Variants in WDFY2 observed in about 807,000 individuals in gnomAD.
WDFY2 encodes WD repeat and FYVE domain containing 2, also known as WD repeat and FYVE domain-containing protein 2.
Under a neutral mutation model 56.4 loss-of-function variants are expected in WDFY2, and 36 were observed. That is an observed-to-expected ratio of 0.64 (90% CI 0.49 to 0.84). The LOEUF (loss-of-function observed/expected upper bound fraction) is 0.84. Among genes scored for constraint, WDFY2 ranks in the 40% least tolerant of loss-of-function variants. The pLI is 0.00. For synonymous variants in WDFY2, 176 were observed against 183.7 expected (o/e 0.96, Z 0.34); for missense variants, 444 against 512.2 (o/e 0.87, Z 1.29).
intron 1 of WDFY2, among the ~76,000 whole-genome samples, chr13:51,619,328 G>T (rs1258245324): frequency 6.6e-6 from 1 of 151,956 alleles, no homozygotes; most frequent in East Asian, 1.9e-4. Context: ...GCTGGGCATG[G>T]TGGTGCACGC....
intron 1 of WDFY2, among the ~76,000 whole-genome samples, chr13:51,637,155 A>G (rs528895482): frequency 7.5e-4 from 114 of 152,340 alleles, no homozygotes; most frequent in African/African-American, 2.5e-3. Context: ...TTGCCTAAGC[A>G]GGAGGCCAGC....
intron 1 of WDFY2, among the ~76,000 whole-genome samples, chr13:51,595,151 T>A (rs530488845): frequency 6.6e-6 from 1 of 152,284 alleles, no homozygotes; most frequent in Non-Finnish European, 1.5e-5. Flanking sequence ...CAGGCTTCTA[T>A]CTCTCTCTTC....
chr13:51,633,833 T>A (rs1156588647), intron 1 of WDFY2, among the ~76,000 whole-genome samples: 2 of 152,212 alleles, frequency 1.3e-5, no homozygotes, highest in East Asian at 3.8e-4. Flanking sequence ...CTATGATTTT[T>A]AATAAATTTT....
chr13:51,747,405 A>T (rs1953128344), intron 7 of WDFY2, among the ~76,000 whole-genome samples: 1 of 152,178 alleles, frequency 6.6e-6, no homozygotes. Flanking sequence ...AATACTAATA[A>T]AATGTTTTAC....
At chr13:51,725,508 T>G (rs1342059301) in intron 5 of WDFY2, among the ~76,000 whole-genome samples, 1 of 151,946 alleles carries the variant, frequency 6.6e-6, no homozygotes, top group African/African-American at 2.4e-5. Flanking sequence ...GGCAACAAAG[T>G]GAGACATTGA....
chr13:51,623,202 T>G (rs1386447180), intron 1 of WDFY2, among the ~76,000 whole-genome samples: 2 of 150,952 alleles, frequency 1.3e-5, no homozygotes, highest in East Asian at 3.9e-4. Flanking sequence ...TTACTTGTTT[T>G]TTTTAAAGCG....
intron 5 of WDFY2, among the ~76,000 whole-genome samples, chr13:51,725,478 A>G (rs1478924914): frequency 6.6e-6 from 1 of 152,090 alleles, no homozygotes; most frequent in Non-Finnish European, 1.5e-5. Flanking sequence ...ACTTGAGCCT[A>G]GGAGTTTGAG....
chr13:51,703,554 A>G (rs1198811263), intron 3 of WDFY2, 42 bp from the exon 4 acceptor site: 3 of 1,442,192 alleles, frequency 2.1e-6, no homozygotes. Context: ...TCATTCACTT[A>G]AAGAATTTAT....
At chr13:51,743,461 G>A (rs1443618768) in intron 7 of WDFY2, among the ~76,000 whole-genome samples, 2 of 152,196 alleles carry the variant, frequency 1.3e-5, no homozygotes, top group African/African-American at 4.8e-5. Context: ...ATGATGTAAT[G>A]CATATAAAAT....
chr13:51,709,292 G>C (rs1952157196), intron 4 of WDFY2, among the ~76,000 whole-genome samples: 1 of 152,092 alleles, frequency 6.6e-6, no homozygotes, highest in Non-Finnish European at 1.5e-5. Context: ...CAGTAAATTT[G>C]GAAGGATTTA....
At chr13:51,599,838 C>T (rs549224359) in intron 1 of WDFY2, among the ~76,000 whole-genome samples, 8 of 151,896 alleles carry the variant, frequency 5.3e-5, no homozygotes, top group South Asian at 2.1e-4. Context: ...TACTATTCAA[C>T]TTTTGTCATG....
At chr13:51,720,349 T>A (rs1270502809) in intron 5 of WDFY2, among the ~76,000 whole-genome samples, 4 of 152,154 alleles carry the variant, frequency 2.6e-5, no homozygotes, top group Non-Finnish European at 4.4e-5. Flanking sequence ...ATGACCATTG[T>A]GGAAAGTTGT....
intron 1 of WDFY2, among the ~76,000 whole-genome samples, chr13:51,650,797 G>A (rs1245212824): frequency 6.6e-6 from 1 of 152,230 alleles, no homozygotes; most frequent in Admixed American, 6.5e-5. Flanking sequence ...TTTTTGATGT[G>A]TTGCTGGATT....
At chr13:51,693,831 G>C (rs2138554703) in intron 3 of WDFY2, among the ~76,000 whole-genome samples, 1 of 152,210 alleles carries the variant, frequency 6.6e-6, no homozygotes. Flanking sequence ...TCTCTTTATA[G>C]GTCACTCAGG....
rs892857536 is a variant in WDFY2 at position 51,703,731 on chromosome 13, A to G, written c.334+81A>G. Reference sequence around the variant, plus strand: ...TTTTCACTGCCACAAGAGAATACATACTTTACAATCATCAGGGAAACAAAA... The same window carrying G: ...TTTTCACTGCCACAAGAGAATACATGCTTTACAATCATCAGGGAAACAAAA... On this transcript the variant is annotated intron_variant, in intron 4 of 11. Transcript: ENST00000298125. 6.0e-6 allele frequency: 7 copies of G among 1,172,890 alleles called. No homozygotes were observed. The African/African-American group carries it at 1.1e-4, about 18-fold the overall frequency. 72.7% of individuals were successfully genotyped at this position (1,172,890 alleles called of 1,614,324 possible). A position where few individuals can be genotyped will look rare whatever the true frequency, so the allele number is the denominator to read the frequency against.
Position 51,759,657 on chromosome 13 carries a change from A to G in WDFY2, c.1174-83A>G, listed in dbSNP as rs1252244736. On this transcript the variant is annotated intron_variant, in intron 11 of 11. Coordinates refer to ENST00000298125, the MANE Select transcript of WDFY2 (RefSeq NM_052950.4). ...TGTGGTGGTTTGTTAAATGAAAAAA[A>G]TTTCCTTGAAGAATTCAGTTCTAAG... 2.2e-6 allele frequency: 3 copies of G among 1,385,646 alleles called. No individual in the cohort carries two copies. The Admixed American group carries it at 5.5e-5, about 26-fold the overall frequency. The allele number at this position is 1,385,646 out of a possible 1,614,324, so 85.8% of individuals were successfully genotyped here.
intron 3 of WDFY2, among the ~76,000 whole-genome samples, chr13:51,689,690 A>T (rs1230319038): frequency 6.6e-6 from 1 of 152,166 alleles, no homozygotes; most frequent in Non-Finnish European, 1.5e-5. Flanking sequence ...GAGAGGAAAA[A>T]GGCACGTACC....
intron 1 of WDFY2, among the ~76,000 whole-genome samples, chr13:51,598,188 T>C (rs1463622622): frequency 6.6e-6 from 1 of 152,026 alleles, no homozygotes; most frequent in Non-Finnish European, 1.5e-5. Context: ...GGTGAAACCC[T>C]GTCTCTACTA....
intron 2 of WDFY2, among the ~76,000 whole-genome samples, chr13:51,661,457 A>T (rs1955611438): frequency 6.6e-6 from 1 of 152,040 alleles, no homozygotes; most frequent in Admixed American, 6.6e-5. Context: ...TTGTAGAAAA[A>T]TCCCCCAGGT....
Sources: gnomAD v4.1 joint callset for allele counts (sites outside exome capture counted in the v4.1 genomes callset) on GRCh38, gnomAD v4.1.1 for gene constraint, MANE v1.5 for transcripts, NCBI Gene and HGNC (gene_info 2026-07-23, HGNC 2026-07-21) for gene names.